LMTK3: variants seen among roughly 807,000 people sequenced by gnomAD.
LMTK3 encodes the protein lemur tail kinase 3, also known as serine/threonine-protein kinase LMTK3.
Under a neutral mutation model 116.7 loss-of-function variants are expected in LMTK3, and 27 were observed. That is an observed-to-expected ratio of 0.23 (90% CI 0.17 to 0.32). The LOEUF (loss-of-function observed/expected upper bound fraction) is 0.32. LMTK3 is among the 10% of genes least tolerant of loss of function. LMTK3 has a pLI of 1.00. For synonymous variants in LMTK3, 965 were observed against 971.0 expected (o/e 0.99, Z 0.11); for missense variants, 1,764 against 2,068.5 (o/e 0.85, Z 2.86).
Position 48,500,977 on chromosome 19 carries a change from C to T in LMTK3, c.1151+19G>A, listed in dbSNP as rs1017407183. 16 of 1,477,100 alleles carry T rather than the reference C, an allele frequency of 1.1e-5. No individual in the cohort carries two copies. Among genetic ancestry groups the T allele is most frequent in the South Asian group, 2.9e-5 (2 of 69,980 alleles). 91.5% of individuals were successfully genotyped at this position (1,477,100 alleles called of 1,614,324 possible). On this transcript the variant is annotated intron_variant, in intron 10 of 14. Transcript: ENST00000600059. This position sits in a 1 kb window ranked among gnomAD's most constrained non-coding sequence, Gnocchi z 4.0. ...GTGGGGTGCGGCAGGCCAGGAGCCC[C>T]GGGTGGGCTAGCCCTCACCAGTAGT... is the stretch of plus-strand genomic sequence containing the variant.
rs758426780 is a variant in LMTK3 at position 48,501,472 on chromosome 19, C to A, written c.879+6G>T. ...CAGCCCCCATCCCGACGGAAGGAAG[C>A]CCTACCTTGTAGTTGCTGTGGGCCA... On this transcript the variant is annotated splice_donor_region_variant and intron_variant, in intron 8 of 14. Coordinates refer to ENST00000600059, the MANE Select transcript of LMTK3 (RefSeq NM_001388485.1). 5 of 1,612,520 alleles carry A rather than the reference C, an allele frequency of 3.1e-6. No individual in the cohort carries two copies. Among genetic ancestry groups the A allele is most frequent in the Non-Finnish European group, 4.2e-6 (5 of 1,179,328 alleles).
chr19:48,502,354 C>A (rs555450003), intron 7 of LMTK3, 79 bp downstream of exon 7: 8 of 1,506,402 alleles, frequency 5.3e-6, no homozygotes, highest in Non-Finnish European at 7.2e-6. Flanking sequence ...TCCGCCCCCC[C>A]TCTAGCCCCT....
chr19:48,497,320 A>T lies in LMTK3; in HGVS notation c.3676+73T>A. 1 of 1,379,194 alleles carries T rather than the reference A, an allele frequency of 7.3e-7. No homozygotes were observed. Among genetic ancestry groups the T allele is most frequent in the South Asian group, 1.9e-5 (1 of 53,280 alleles). The allele number at this position is 1,379,194 out of a possible 1,614,324, so 85.4% of individuals were successfully genotyped here. A position where few individuals can be genotyped will look rare whatever the true frequency, so the allele number is the denominator to read the frequency against. On this transcript the variant is annotated intron_variant, in intron 11 of 14. Transcript: ENST00000600059. This position sits in a 1 kb window ranked among gnomAD's most constrained non-coding sequence, Gnocchi z 5.7. ...ACTGCCAGCCCGACCCGACATGTTT[A>T]CCCACACTCACCCTCCGCACGCCTC...
Position 48,498,348 on chromosome 19 carries a change from C to T in LMTK3, c.2721G>A (p.Pro907=), listed in dbSNP as rs374555928. ...CTTGTTTCCCGTTGCCCAGGACTGT[C>T]GGGTCCCTGTTCAGGCCCGGGACTT... ...REKVPGLNRD[P]TVLGNGKQAP... The change falls in exon 11 of 15, where the codon CCG becomes CCA. Residue 907 remains proline, a synonymous_variant. Transcript: ENST00000600059. 4.1e-5 allele frequency: 66 copies of T among 1,613,066 alleles called. No individual in the cohort carries two copies. The highest frequency in any genetic ancestry group is 5.3e-5 in the African/African-American group (4 of 74,884).
At chr19:48,504,016 C>T (rs1327933608) in intron 5 of LMTK3, among the ~76,000 whole-genome samples, 7 of 152,010 alleles carry the variant, frequency 4.6e-5, no homozygotes, top group Non-Finnish European at 1.0e-4. Flanking sequence ...TACAGATGCC[C>T]GACACCAAGC....
chr19:48,507,766 G>A (rs950634781), intron 5 of LMTK3, among the ~76,000 whole-genome samples: 1 of 152,146 alleles, frequency 6.6e-6, no homozygotes, highest in African/African-American at 2.4e-5. Context: ...GTATACCACC[G>A]TGCCCATCTT....
At chr19:48,509,098 C>A (rs1471846420) in intron 4 of LMTK3, 129 bp from the exon 5 acceptor site, 2 of 639,140 alleles carry the variant, frequency 3.1e-6, no homozygotes, top group Non-Finnish European at 5.4e-6. Context: ...CATCCCACCA[C>A]CCTTGACCCC....
In LMTK3 at chr19:48,498,113, C is replaced by T. The variant is rs753390537; in HGVS notation, c.2956G>A (p.Glu986Lys). The change falls in exon 11 of 15, where the codon GAG becomes AAG. Residue 986 changes from glutamate (E) to lysine (K), a missense_variant. This residue lies in a region of LMTK3 where 1,028 missense variants were observed against 1,050.6 expected (regional missense o/e 0.98). Transcript: ENST00000600059. ...AGGCCCCCATTCACCAGCACCTTCT[C>T]CCCGGCCTCTGGGGACCTCAGCTCC... The part of the protein sequence containing the change: ...NGELRSPEAG[E>K]KVLVNGGLTP... 19 of 1,613,414 alleles carry T rather than the reference C, an allele frequency of 1.2e-5. No individual in the cohort carries two copies. Among genetic ancestry groups the T allele is most frequent in the Non-Finnish European group, 1.6e-5 (19 of 1,179,834 alleles).
rs770867017 is a variant in LMTK3, at chr19:48,498,071, C to T, written c.2998G>A (p.Glu1000Lys). The change falls in exon 11 of 15, where the codon GAG (glutamate) becomes AAG (lysine). Residue 1000 changes from glutamate to lysine, a missense_variant. Glu to Lys is a moderately conservative substitution (Grantham distance 56, BLOSUM62 1). This residue lies in a region of LMTK3 where 1,028 missense variants were observed against 1,050.6 expected (regional missense o/e 0.98). Coordinates refer to ENST00000600059, the MANE Select transcript of LMTK3 (RefSeq NM_001388485.1). ...VNGGLTPPKS[E>K]DKVSENGGLR... Reference sequence around the variant, plus strand: ...CCCCCATTCTCTGACACCTTGTCCTCGCTCTTTGGGGGTGTCAGGCCCCCA... The same window carrying T: ...CCCCCATTCTCTGACACCTTGTCCTTGCTCTTTGGGGGTGTCAGGCCCCCA... 7 of 1,612,846 alleles carry T rather than the reference C, an allele frequency of 4.3e-6. 1 individual carries two copies. The highest frequency in any genetic ancestry group is 2.2e-5 in the South Asian group (2 of 91,086).
Position 48,497,210 on chromosome 19 carries a change from C to T in LMTK3, c.3676+183G>A, listed in dbSNP as rs923620214. On this transcript the variant is annotated intron_variant, in intron 11 of 14. Coordinates refer to ENST00000600059, the MANE Select transcript of LMTK3 (RefSeq NM_001388485.1). The surrounding 1 kb of genome is among the most constrained non-coding windows in gnomAD (Gnocchi z 5.7). ...AAACTGAGGCACCGTGCAGCAAGGA[C>T]ATTTGCCCAAGGCCAAAGAGCTAGA... Among the ~76,000 whole-genome samples the T allele has an allele frequency of 2.6e-5, 4 of 152,252 alleles. No individual in the cohort carries two copies. Among genetic ancestry groups the T allele is most frequent in the Admixed American group, 2.6e-4 (4 of 15,280 alleles).
Position 48,499,143 on chromosome 19 carries a change from C to A in LMTK3, c.1926G>T (p.Glu642Asp). The change falls in exon 11 of 15, where the codon GAG becomes GAT. Residue 642 changes from glutamate to aspartate, a missense_variant. Physicochemically the swap from Glu to Asp is conservative, Grantham distance 45. This residue lies in a region of LMTK3 where 1,028 missense variants were observed against 1,050.6 expected (regional missense o/e 0.98). Transcript: ENST00000600059. ...CTGGGGAGCTGCCCTCCTCCTCCTC[C>A]TCTTCTTCTTCCACCCACGGGGCGG... ...RGTAPWVEEE[E>D]EEEEGSSPGE... is the part of the protein sequence containing the mutation. 1 of 1,530,052 alleles carries A rather than the reference C, an allele frequency of 6.5e-7. No homozygotes were observed. The allele number at this position is 1,530,052 out of a possible 1,614,324, so 94.8% of individuals were successfully genotyped here.
Position 48,491,550 on chromosome 19 carries a change from A to G in LMTK3, c.4093-11T>C. On this transcript the variant is annotated splice_polypyrimidine_tract_variant and intron_variant, in intron 12 of 14. Coordinates refer to ENST00000600059, the MANE Select transcript of LMTK3 (RefSeq NM_001388485.1). The surrounding 1 kb of genome is among the most constrained non-coding windows in gnomAD (Gnocchi z 5.1). ...GTTGGTTGGCGTCTCCTGTGAAGGC[A>G]GATTAGGGGGAAGCCAGAGGGGACA... 2.9e-6 allele frequency: 4 copies of G among 1,365,052 alleles called. No individual in the cohort carries two copies. Among genetic ancestry groups the G allele is most frequent in the Non-Finnish European group, 3.8e-6 (4 of 1,051,656 alleles). 84.6% of individuals were successfully genotyped at this position (1,365,052 alleles called of 1,614,324 possible). A position where few individuals can be genotyped will look rare whatever the true frequency, so the allele number is the denominator to read the frequency against.
Position 48,491,601 on chromosome 19 carries a change from C to G in LMTK3, c.4093-62G>C, listed in dbSNP as rs1037023601. ...AACCTTCACGTCCCATTTACCGCAT[C>G]CCCCAAAAGCAACAAAACCGGCTAA... On this transcript the variant is annotated intron_variant, in intron 12 of 14. Transcript: ENST00000600059. This position sits in a 1 kb window ranked among gnomAD's most constrained non-coding sequence, Gnocchi z 5.1. 1 of 1,264,770 alleles carries G rather than the reference C, an allele frequency of 7.9e-7. No individual in the cohort carries two copies. Among genetic ancestry groups the G allele is most frequent in the African/African-American group, 1.5e-5 (1 of 64,764 alleles). 78.3% of individuals were successfully genotyped at this position (1,264,770 alleles called of 1,614,324 possible).
chr19:48,485,861 G>A, intron 14 of LMTK3, 72 bp from the exon 15 acceptor site: 1 of 1,490,054 alleles, frequency 6.7e-7, no homozygotes, highest in Non-Finnish European at 9.1e-7. Flanking sequence ...AGGTCACTCA[G>A]CGGAAAAGCA....
In LMTK3 at chr19:48,497,908, C is replaced by T; in HGVS notation, c.3161G>A (p.Arg1054Lys). 1 of 1,504,640 alleles carries T rather than the reference C, an allele frequency of 6.6e-7. No homozygotes were observed. The highest frequency in any genetic ancestry group is 8.8e-7 in the Non-Finnish European group (1 of 1,131,486). The allele number at this position is 1,504,640 out of a possible 1,614,324, so 93.2% of individuals were successfully genotyped here. ...GEPAPETSLE[R>K]APAPSAVVSS... ...GACCACTGCGCTGGGTGCAGGGGCT[C>T]TCTCCAGAGAGGTCTCTGGGGCTGG... Residue 1054 changes from arginine to lysine, a missense_variant, in exon 11 of 15, where the codon AGA becomes AAA. By Grantham distance (26) the Arg-to-Lys change is conservative. This residue lies in a region of LMTK3 where 1,028 missense variants were observed against 1,050.6 expected (regional missense o/e 0.98). Transcript: ENST00000600059. This position sits in a 1 kb window ranked among gnomAD's most constrained non-coding sequence, Gnocchi z 5.7.
chr19:48,499,948 C>CAGAGACCCAGGGAGGGGAA (rs980692565), intron 10 of LMTK3, 31 bp from the exon 11 acceptor site: 4 of 1,546,294 alleles, frequency 2.6e-6, no homozygotes, highest in African/African-American at 2.7e-5. Flanking sequence ...GTGAGCAGGG[C>CAGAGACCCAGGGAGGGGAA]AGAGACCCAG....
intron 14 of LMTK3, among the ~76,000 whole-genome samples, chr19:48,486,830 C>A (rs1972132432): frequency 1.3e-5 from 2 of 152,058 alleles, no homozygotes; most frequent in Admixed American, 6.6e-5. Context: ...AGCCACTGAG[C>A]CCGGCCGAAC....
In LMTK3 at chr19:48,485,557, G is replaced by C; in HGVS notation, c.*216C>G. 1.7e-6 allele frequency: 1 copy of C among 574,534 alleles called. No homozygotes were observed. The highest frequency in any genetic ancestry group is 2.0e-5 in the South Asian group (1 of 50,006). The allele number at this position is 574,534 out of a possible 1,614,324, so 35.6% of individuals were successfully genotyped here. A position where few individuals can be genotyped will look rare whatever the true frequency, so the allele number is the denominator to read the frequency against. ...TTCCTGCCTCATTTGGCTCCGAGGG[G>C]GTCAGGGGGGTCAGGGGAGCCATCT... is the stretch of plus-strand genomic sequence containing the variant. On this transcript the variant is annotated 3_prime_UTR_variant, in exon 15 of 15. Transcript: ENST00000600059.
At position 48,509,323 on chromosome 19, in the gene LMTK3, C is replaced by T. The variant is rs547579586; in HGVS notation, c.438+114G>A. 13 of 915,674 alleles carry T rather than the reference C, an allele frequency of 1.4e-5. No homozygotes were observed. In the East Asian group the frequency reaches 3.2e-4, roughly 22 times the overall value. The allele number at this position is 915,674 out of a possible 1,614,324, so 56.7% of individuals were successfully genotyped here. A position where few individuals can be genotyped will look rare whatever the true frequency, so the allele number is the denominator to read the frequency against. ...GAGGGGGGATGGGAGGCTGAGGGGG[C>T]ATGGGGAGGAGGCGAGGGACAGATG... On this transcript the variant is annotated intron_variant, in intron 4 of 14. Coordinates refer to ENST00000600059, the MANE Select transcript of LMTK3 (RefSeq NM_001388485.1).
Sources: gnomAD v4.1 joint callset for allele counts (sites outside exome capture counted in the v4.1 genomes callset) on GRCh38, gnomAD v4.1.1 for gene constraint, gnomAD v4.1.1 regional missense constraint, Gnocchi (gnomAD v3.1) non-coding constraint, MANE v1.5 for transcripts, NCBI Gene and HGNC (gene_info 2026-07-23, HGNC 2026-07-21) for gene names.